The following PLVAP variants were observed in gnomAD, a reference collection of about 807,000 sequenced individuals.
The protein encoded by PLVAP is plasmalemma vesicle associated protein, also known as plasmalemma vesicle-associated protein.
PLVAP carries 34 observed loss-of-function variants against 43.1 expected under a neutral mutation model. The observed-to-expected ratio is 0.79, with a 90% CI of 0.60 to 1.05. The LOEUF (loss-of-function observed/expected upper bound fraction) is 1.05. Among genes scored for constraint, PLVAP ranks in the 50% least tolerant of loss-of-function variants. PLVAP has a pLI of 0.00. For synonymous variants in PLVAP, 241 were observed against 237.3 expected (o/e 1.02, Z -0.14); for missense variants, 574 against 593.4 (o/e 0.97, Z 0.34).
chr19:17,352,980 G>A (rs146370687), intron 5 of PLVAP, among the ~76,000 whole-genome samples: 3 of 152,034 alleles, frequency 2.0e-5, no homozygotes, highest in African/African-American at 7.2e-5. Context: ...CACTGCTTCC[G>A]CACCCTCCGG....
chr19:17,366,257 T>TG, intron 1 of PLVAP, 62 bp from the exon 2 acceptor site: 1 of 1,543,794 alleles, frequency 6.5e-7, no homozygotes, highest in Admixed American at 1.7e-5. Flanking sequence ...CAGGACTGCC[T>TG]GGACCCAGAT....
intron 5 of PLVAP, among the ~76,000 whole-genome samples, chr19:17,355,364 A>G (rs953659267): frequency 6.6e-6 from 1 of 151,886 alleles, no homozygotes; most frequent in African/African-American, 2.4e-5. Flanking sequence ...AATATTTGCC[A>G]TTTAAAAAAC....
chr19:17,368,461 C>T (rs1480916594), intron 1 of PLVAP, among the ~76,000 whole-genome samples: 3 of 151,990 alleles, frequency 2.0e-5, no homozygotes, highest in African/African-American at 7.2e-5. Flanking sequence ...ATTCGCCCCC[C>T]TCGGCCTCCC....
rs200292631 is a variant in PLVAP at position 17,365,493 on chromosome 19, C to T, written c.972G>A (p.Lys324=). ...CCCGGGCCTGAGCCTCCTTCTCCAC[C>T]TTCTGTTTCGCCTCCTGACTGGCCC... is the stretch of plus-strand genomic sequence containing the variant. The part of the protein sequence containing the change: ...GLRASQEAKQ[K]VEKEAQAREA... Residue 324 remains lysine, a synonymous_variant, in exon 3 of 6, where the codon AAG becomes AAA. Coordinates refer to ENST00000252590, the MANE Select transcript of PLVAP (RefSeq NM_031310.3). 2 of 1,612,522 alleles carry T rather than the reference C, an allele frequency of 1.2e-6. No individual in the cohort carries two copies. The highest frequency in any genetic ancestry group is 4.5e-5 in the East Asian group (2 of 44,892).
At chr19:17,352,679 C>G (rs1486481621) in intron 5 of PLVAP, among the ~76,000 whole-genome samples, 18 of 152,180 alleles carry the variant, frequency 1.2e-4, no homozygotes. Context: ...CCCCAAGCCT[C>G]TGCTACAGCT....
At chr19:17,371,177 A>T (rs12984063) in intron 1 of PLVAP, among the ~76,000 whole-genome samples, 115,213 of 151,400 alleles carry the variant, frequency 0.76, 44,680 homozygotes, top group African/African-American at 0.93. Context: ...TATTATTATT[A>T]TTGAGATGGA....
chr19:17,355,840 G>C (rs2074504742), intron 5 of PLVAP, among the ~76,000 whole-genome samples: 1 of 152,002 alleles, frequency 6.6e-6, no homozygotes, highest in Non-Finnish European at 1.5e-5. Context: ...AGCCATTACT[G>C]TCTTTATATC....
At chr19:17,367,089 T>G (rs2074553431) in intron 1 of PLVAP, among the ~76,000 whole-genome samples, 1 of 151,606 alleles carries the variant, frequency 6.6e-6, no homozygotes, top group Admixed American at 6.6e-5. Flanking sequence ...ACTACAGGTA[T>G]GCGCCACCAC....
intron 5 of PLVAP, among the ~76,000 whole-genome samples, chr19:17,358,924 T>C (rs534579799): frequency 1.5e-3 from 221 of 151,850 alleles, no homozygotes; most frequent in African/African-American, 5.1e-3. Context: ...CTCAGGCTCC[T>C]GAGTAGCTCG....
At chr19:17,363,803 T>C (rs12975094) in intron 3 of PLVAP, among the ~76,000 whole-genome samples, 18,882 of 143,612 alleles carry the variant, frequency 0.13, 2,104 homozygotes, top group African/African-American at 0.31. Context: ...AGTGCAGTGG[T>C]GTGATCTTGG....
Position 17,377,303 on chromosome 19 carries a change from C to T in PLVAP, c.-15G>A, listed in dbSNP as rs374630178. On this transcript the variant is annotated 5_prime_UTR_variant, in exon 1 of 6. Coordinates refer to ENST00000252590, the MANE Select transcript of PLVAP (RefSeq NM_031310.3). ...GCCAGACCCATTTGCTCGATCCCGC[C>T]GTCCGGTGCACCGTCCCTGCTCACC... 7.3e-5 allele frequency: 117 copies of T among 1,594,528 alleles called. No individual in the cohort carries two copies. The highest frequency in any genetic ancestry group is 4.5e-4 in the African/African-American group (34 of 74,850).
Position 17,352,049 on chromosome 19 carries a change from A to G in PLVAP, c.*313T>C, listed in dbSNP as rs550295368. 7 of 433,786 alleles carry G rather than the reference A, an allele frequency of 1.6e-5. No homozygotes were observed. Among genetic ancestry groups the G allele is most frequent in the African/African-American group, 9.8e-5 (5 of 50,878 alleles). The allele number at this position is 433,786 out of a possible 1,614,324, so 26.9% of individuals were successfully genotyped here. A position where few individuals can be genotyped will look rare whatever the true frequency, so the allele number is the denominator to read the frequency against. On this transcript the variant is annotated 3_prime_UTR_variant, in exon 6 of 6. Coordinates refer to ENST00000252590, the MANE Select transcript of PLVAP (RefSeq NM_031310.3). ...TCTGTGTGCGACGTGCTGCATCTGC[A>G]CGACGCCATCGCTATATCTCTTCGT...
intron 1 of PLVAP, among the ~76,000 whole-genome samples, chr19:17,374,891 T>C (rs1456578281): frequency 6.6e-6 from 1 of 151,528 alleles, no homozygotes. Context: ...AGATCTCGGC[T>C]CACTGCAATC....
At chr19:17,363,857 C>T (rs1024232977) in intron 3 of PLVAP, among the ~76,000 whole-genome samples, 4 of 151,282 alleles carry the variant, frequency 2.6e-5, no homozygotes, top group Admixed American at 2.6e-4. Context: ...ATTCTCCCGC[C>T]TCAGCCTGCT....
chr19:17,355,122 G>A (rs1027699243), intron 5 of PLVAP, among the ~76,000 whole-genome samples: 4 of 149,822 alleles, frequency 2.7e-5, no homozygotes, highest in African/African-American at 9.8e-5. Context: ...TACTCGGGAG[G>A]CTGAGGCAGG....
intron 3 of PLVAP, among the ~76,000 whole-genome samples, chr19:17,364,284 C>T (rs772554989): frequency 8.9e-4 from 136 of 152,120 alleles, no homozygotes; most frequent in Non-Finnish European, 1.1e-3. Context: ...CGAGGTTTCA[C>T]CGTGTTGCCC....
intron 1 of PLVAP, among the ~76,000 whole-genome samples, chr19:17,366,483 A>G (rs1010872650): frequency 6.6e-6 from 1 of 152,164 alleles, no homozygotes; most frequent in Non-Finnish European, 1.5e-5. Context: ...ATAAATAAAC[A>G]AAAATATAGT....
rs184901808 is a variant in PLVAP, at chr19:17,364,176, C to G, written c.1179+1110G>C. Among the ~76,000 whole-genome samples, 232 of 152,116 alleles carry G rather than the reference C, an allele frequency of 1.5e-3. 1 individual carries two copies. The highest frequency in any genetic ancestry group is 3.6e-3 in the African/African-American group (149 of 41,502). ...TATTGACTCACTGCAAACTCTGTCT[C>G]CTGGGTTCAAGAGATTCTCCTGTCT... On this transcript the variant is annotated intron_variant, in intron 3 of 5. Coordinates refer to ENST00000252590, the MANE Select transcript of PLVAP (RefSeq NM_031310.3).
At chr19:17,373,090 A>AAG (rs2074580518) in intron 1 of PLVAP, among the ~76,000 whole-genome samples, 7 of 125,770 alleles carry the variant, frequency 5.6e-5, no homozygotes, top group South Asian at 2.7e-4. Flanking sequence ...AAAAAAAAAA[A>AAG]AAAGAAAGAA....
Sources: gnomAD v4.1 joint callset for allele counts (sites outside exome capture counted in the v4.1 genomes callset) on GRCh38, gnomAD v4.1.1 for gene constraint, MANE v1.5 for transcripts, NCBI Gene and HGNC (gene_info 2026-07-23, HGNC 2026-07-21) for gene names.